PCDHGA8: variants seen among roughly 807,000 people sequenced by gnomAD.
PCDHGA8 encodes protocadherin gamma subfamily A, 8.
In PCDHGA8, 45 loss-of-function variants were observed where a neutral mutation model predicts 59.2. That is an observed-to-expected ratio of 0.76 (90% CI 0.60 to 0.98). PCDHGA8 has a LOEUF of 0.98. Among genes scored for constraint, PCDHGA8 ranks in the 50% least tolerant of loss-of-function variants. The pLI is 0.00. For missense variants in PCDHGA8, 1,257 were observed against 1,196.2 expected (o/e 1.05, Z -0.75); for synonymous variants, 531 against 519.0 (o/e 1.02, Z -0.32).
intron 1 of PCDHGA8, chr5:141,419,693 A>G (rs1241615790): frequency 6.2e-7 from 1 of 1,612,884 alleles, no homozygotes; most frequent in Non-Finnish European, 8.5e-7. Flanking sequence ...GGTGCAGGCC[A>G]GTGAGCCCGG....
At chr5:141,459,442 A>G (rs2098968073) in intron 1 of PCDHGA8, among the ~76,000 whole-genome samples, 1 of 152,198 alleles carries the variant, frequency 6.6e-6, no homozygotes, top group South Asian at 2.1e-4. Context: ...CATTCATTCA[A>G]CTGTTGGTGG....
At chr5:141,415,477 C>T in intron 1 of PCDHGA8, 1 of 1,614,184 alleles carries the variant, frequency 6.2e-7, no homozygotes, top group Non-Finnish European at 8.5e-7. Flanking sequence ...CGCGGACTCG[C>T]GAAAGAGTCA....
At chr5:141,479,671 G>A (rs1484965995) in intron 1 of PCDHGA8, 1 of 152,196 alleles carries the variant, frequency 6.6e-6, no homozygotes, top group Non-Finnish European at 1.5e-5. Flanking sequence ...AACTACAAAA[G>A]GAGAGTCTTT....
intron 1 of PCDHGA8, chr5:141,420,339 T>C: frequency 7.2e-7 from 1 of 1,395,458 alleles, no homozygotes; most frequent in Non-Finnish European, 9.6e-7. Context: ...TCCAATATAG[T>C]GGTATTATTT....
intron 1 of PCDHGA8, chr5:141,422,908 C>T (rs1340882515): frequency 2.5e-6 from 4 of 1,614,126 alleles, no homozygotes; most frequent in Non-Finnish European, 3.4e-6. Context: ...CGACAATGCG[C>T]CCGAGATCCT....
At chr5:141,409,441 G>C (rs1432743588) in intron 1 of PCDHGA8, 1 of 1,613,884 alleles carries the variant, frequency 6.2e-7, no homozygotes, top group East Asian at 2.2e-5. Context: ...TGGACCGAGA[G>C]CAGACACCAG....
intron 2 of PCDHGA8, among the ~76,000 whole-genome samples, chr5:141,497,735 C>T (rs1299892535): frequency 2.6e-5 from 4 of 152,144 alleles, no homozygotes; most frequent in Non-Finnish European, 4.4e-5. Flanking sequence ...AGATGGGTTT[C>T]GCCACGTTGG....
At chr5:141,419,298 A>G in intron 1 of PCDHGA8, 1 of 1,613,988 alleles carries the variant, frequency 6.2e-7, no homozygotes, top group Non-Finnish European at 8.5e-7. Context: ...TCTGACCCAG[A>G]CTTCGGGCTC....
In PCDHGA8 at chr5:141,394,705, C is replaced by G. The variant is rs1245348426; in HGVS notation, c.1892C>G (p.Ala631Gly). ...LHTGEVRTAR[A>G]LLDRDALKQS... ...ACGGGCGAGGTGCGCACGGCGCGAG[C>G]CCTGCTGGACAGAGATGCGCTCAAG... The change falls in exon 1 of 4, where the codon GCC (alanine) becomes GGC (glycine). Residue 631 changes from alanine (A) to glycine (G), a missense_variant. Ala to Gly is a moderately conservative substitution (Grantham distance 60). Transcript: ENST00000398604. 5.6e-6 allele frequency: 9 copies of G among 1,613,256 alleles called. No individual in the cohort carries two copies. The highest frequency in any genetic ancestry group is 7.6e-6 in the Non-Finnish European group (9 of 1,179,900).
In PCDHGA8 at chr5:141,487,456, G is replaced by A. The variant is rs1041154635; in HGVS notation, c.2425-7351G>A. Reference sequence around the variant, plus strand: ...AGCTAGGGTCAGATGACCCTATCAAGTTTGTTGATGTGGGAGGCCACTCTC... The same window carrying A: ...AGCTAGGGTCAGATGACCCTATCAAATTTGTTGATGTGGGAGGCCACTCTC... On this transcript the variant is annotated intron_variant, in intron 1 of 3. Coordinates refer to ENST00000398604, the MANE Select transcript of PCDHGA8 (RefSeq NM_032088.2). The surrounding 1 kb of genome is among the most constrained non-coding windows in gnomAD (Gnocchi z 5.0). 6.2e-7 allele frequency: 1 copy of A among 1,614,196 alleles called. No individual in the cohort carries two copies. The highest frequency in any genetic ancestry group is 8.5e-7 in the Non-Finnish European group (1 of 1,180,026).
chr5:141,438,682 A>G (rs1282726848), intron 1 of PCDHGA8, among the ~76,000 whole-genome samples: 13 of 140,730 alleles, frequency 9.2e-5, no homozygotes, highest in Admixed American at 6.6e-4. Flanking sequence ...GGAGTAGGGG[A>G]TGGAGTCTTG....
chr5:141,466,039 A>G (rs926979550), intron 1 of PCDHGA8, among the ~76,000 whole-genome samples: 1 of 152,122 alleles, frequency 6.6e-6, no homozygotes, highest in Non-Finnish European at 1.5e-5. Context: ...GGAGAACGGC[A>G]TGAACCCAGG....
chr5:141,412,923 G>A, intron 1 of PCDHGA8: 1 of 420,946 alleles, frequency 2.4e-6, no homozygotes, highest in East Asian at 3.6e-5. Flanking sequence ...CTTGGGTGCA[G>A]TAACTTCTTA....
chr5:141,486,253 C>G lies in PCDHGA8; in HGVS notation c.2425-8554C>G. On this transcript the variant is annotated intron_variant, in intron 1 of 3. Coordinates refer to ENST00000398604, the MANE Select transcript of PCDHGA8 (RefSeq NM_032088.2). The surrounding 1 kb of genome is among the most constrained non-coding windows in gnomAD (Gnocchi z 5.0). Reference sequence around the variant, plus strand: ...TGACCTCAGAGCTTGGAACCCTCCCCGAGAGTGCAGAACCTGGCACTGTGG... The same window carrying G: ...TGACCTCAGAGCTTGGAACCCTCCCGGAGAGTGCAGAACCTGGCACTGTGG... The G allele has an allele frequency of 6.2e-7, 1 of 1,614,138 alleles. No homozygotes were observed. Among genetic ancestry groups the G allele is most frequent in the East Asian group, 2.2e-5 (1 of 44,866 alleles).
intron 1 of PCDHGA8, chr5:141,422,645 T>C: frequency 6.2e-7 from 1 of 1,612,232 alleles, no homozygotes; most frequent in Non-Finnish European, 8.5e-7. Flanking sequence ...GCCTCCATCT[T>C]CTCAGTGACC....
rs760070878 is a variant in PCDHGA8, at chr5:141,490,862, C to T, written c.2425-3945C>T. On this transcript the variant is annotated intron_variant, in intron 1 of 3. Coordinates refer to ENST00000398604, the MANE Select transcript of PCDHGA8 (RefSeq NM_032088.2). This position sits in a 1 kb window ranked among gnomAD's most constrained non-coding sequence, Gnocchi z 5.4. ...GTGGTGGGGGTTCGAGACTCCGGCTCTCCCCCATTGCATGCCAACACATCT... is the reference window on the plus strand; with the variant it reads ...GTGGTGGGGGTTCGAGACTCCGGCTTTCCCCCATTGCATGCCAACACATCT... 2.0e-5 allele frequency: 33 copies of T among 1,613,878 alleles called. No individual in the cohort carries two copies. Among genetic ancestry groups the T allele is most frequent in the Non-Finnish European group, 2.8e-5 (33 of 1,179,920 alleles).
chr5:141,399,194 C>A (rs770516092), intron 1 of PCDHGA8: 24 of 1,613,720 alleles, frequency 1.5e-5, no homozygotes, highest in Non-Finnish European at 1.5e-5. Context: ...CTGGAAAACG[C>A]GGTGCCTGGA....
chr5:141,473,974 C>T (rs958240236), intron 1 of PCDHGA8, among the ~76,000 whole-genome samples: 12 of 152,172 alleles, frequency 7.9e-5, no homozygotes, highest in Admixed American at 1.3e-4. Flanking sequence ...AAGTCTGAGG[C>T]GGGAGGATCC....
chr5:141,401,235 A>G (rs1444346000), intron 1 of PCDHGA8, among the ~76,000 whole-genome samples: 1 of 152,120 alleles, frequency 6.6e-6, no homozygotes, highest in East Asian at 1.9e-4. Context: ...CCAGCTACTC[A>G]GGAGGCTAAG....
Sources: allele counts gnomAD v4.1 joint callset (sites outside exome capture counted in the v4.1 genomes callset), GRCh38; gene constraint gnomAD v4.1.1; non-coding constraint Gnocchi (gnomAD v3.1); transcripts MANE v1.5; gene names NCBI Gene and HGNC (gene_info 2026-07-23, HGNC 2026-07-21).